The following PIP5K1B variants were observed in gnomAD, a reference collection of about 807,000 sequenced individuals.
The protein encoded by PIP5K1B is phosphatidylinositol 4-phosphate 5-kinase type-1 beta.
In PIP5K1B, 42 loss-of-function variants were observed where a neutral mutation model predicts 67.0. The observed-to-expected ratio is 0.63, with a 90% CI of 0.49 to 0.81. The LOEUF is 0.81. Ranked by LOEUF, PIP5K1B falls within the 30% of genes least tolerant of loss-of-function variation. The probability of loss-of-function intolerance (pLI) is 0.00; values close to 1 mark genes in which losing one functional copy is unlikely to be tolerated. For missense variants in PIP5K1B, 459 were observed against 646.3 expected, an observed-to-expected ratio of 0.71 and a Z score of 3.14; for synonymous variants, 214 against 231.4, an observed-to-expected ratio of 0.92 and a Z score of 0.68.
At chr9:68,820,777 G>A (rs2151421) in intron 3 of PIP5K1B, among the ~76,000 whole-genome samples, 104,597 of 152,058 alleles carry the variant, frequency 0.69, 36,220 homozygotes, top group Admixed American at 0.77. Context: ...CACAGAAGTA[G>A]CATAACTGGC....
At chr9:68,789,411 C>G in intron 2 of PIP5K1B, 1 of 452,732 alleles carries the variant, frequency 2.2e-6, no homozygotes, top group East Asian at 5.7e-5. Flanking sequence ...GAAATGTGTC[C>G]ACTACTCAGT....
chr9:68,844,468 C>T (rs377334019), intron 4 of PIP5K1B, among the ~76,000 whole-genome samples: 1 of 152,124 alleles, frequency 6.6e-6, no homozygotes, highest in South Asian at 2.1e-4. Context: ...TGGGACTGGG[C>T]CACTAGAAGA....
At chr9:68,896,360 A>G (rs1022780737) in intron 8 of PIP5K1B, among the ~76,000 whole-genome samples, 5 of 152,148 alleles carry the variant, frequency 3.3e-5, no homozygotes, top group African/African-American at 9.7e-5. Context: ...AAAAAAAAAA[A>G]AAAGCAAATG....
At chr9:68,785,141 G>A (rs2132474382) in intron 2 of PIP5K1B, among the ~76,000 whole-genome samples, 1 of 152,302 alleles carries the variant, frequency 6.6e-6, no homozygotes, top group African/African-American at 2.4e-5. Flanking sequence ...CTAGGTTTGG[G>A]AATTGGTTAA....
chr9:68,924,404 A>G (rs868249112), intron 12 of PIP5K1B, among the ~76,000 whole-genome samples: 43,607 of 110,166 alleles, frequency 0.4, 7,349 homozygotes, highest in Admixed American at 0.51. Context: ...TGCGCCTCAA[A>G]AAAAAAAAAA....
At chr9:68,752,024 TTTTC>T (rs548179622) in intron 2 of PIP5K1B, among the ~76,000 whole-genome samples, 4 of 152,182 alleles carry the variant, frequency 2.6e-5, no homozygotes, top group Non-Finnish European at 5.9e-5. Context: ...ATGGAATAAA[TTTTC>T]TTTAATTTTA....
chr9:68,969,090 C>T (rs1257525534), intron 14 of PIP5K1B, among the ~76,000 whole-genome samples: 4 of 151,970 alleles, frequency 2.6e-5, no homozygotes, highest in Non-Finnish European at 4.4e-5. Context: ...TAAATGAGGC[C>T]GGGCGCGGTG....
chr9:68,987,711 G>T (rs1287720328), intron 14 of PIP5K1B, among the ~76,000 whole-genome samples: 2 of 152,160 alleles, frequency 1.3e-5, no homozygotes, highest in African/African-American at 4.8e-5. Context: ...GGCTGGGGAG[G>T]CCTCACAATC....
At chr9:68,765,047 AGTC>A (rs1206753132) in intron 2 of PIP5K1B, among the ~76,000 whole-genome samples, 1 of 152,172 alleles carries the variant, frequency 6.6e-6, no homozygotes, top group Non-Finnish European at 1.5e-5. Context: ...GGAATGCTAC[AGTC>A]ACTGCTCATT....
intron 8 of PIP5K1B, among the ~76,000 whole-genome samples, chr9:68,899,940 C>G (rs143712136): frequency 6.6e-6 from 1 of 152,170 alleles, no homozygotes; most frequent in Non-Finnish European, 1.5e-5. Flanking sequence ...TCAAGTAGGC[C>G]CTTGTGTCTG....
rs1473133382 is a variant in PIP5K1B, at chr9:68,705,657, G to A, written c.-348G>A. 1 of 107,786 alleles carries A rather than the reference G, an allele frequency of 9.3e-6. No homozygotes were observed. The highest frequency in any genetic ancestry group is 1.0e-4 in the Admixed American group (1 of 9,656). The allele number at this position is 107,786 out of a possible 1,614,324, so 6.7% of individuals were successfully genotyped here. ...CTCCCGCCCCTCCCGCCCCTCGCCTGCACTGCTCTCCCTTCGCTGTGGGGA... is the reference window on the plus strand; with the variant it reads ...CTCCCGCCCCTCCCGCCCCTCGCCTACACTGCTCTCCCTTCGCTGTGGGGA... On this transcript the variant is annotated 5_prime_UTR_variant, in exon 1 of 16. Coordinates refer to ENST00000265382, the MANE Select transcript of PIP5K1B (RefSeq NM_003558.4).
intron 6 of PIP5K1B, among the ~76,000 whole-genome samples, chr9:68,878,637 C>A (rs970335787): frequency 6.6e-6 from 1 of 152,004 alleles, no homozygotes; most frequent in African/African-American, 2.4e-5. Flanking sequence ...TAGGGAAATT[C>A]AAAAAACTGC....
intron 15 of PIP5K1B, among the ~76,000 whole-genome samples, chr9:68,995,990 A>C (rs185005788): frequency 2.3e-4 from 35 of 152,336 alleles, no homozygotes; most frequent in Admixed American, 2.3e-3. Context: ...GTTGTCACCA[A>C]ACGTGGTCAG....
chr9:68,977,330 T>C (rs993388844), intron 14 of PIP5K1B, among the ~76,000 whole-genome samples: 1 of 152,180 alleles, frequency 6.6e-6, no homozygotes, highest in Non-Finnish European at 1.5e-5. Flanking sequence ...GAGACTAGCC[T>C]GGCCAACCTG....
At chr9:68,858,546 G>A (rs1386933074) in intron 4 of PIP5K1B, among the ~76,000 whole-genome samples, 1 of 152,208 alleles carries the variant, frequency 6.6e-6, no homozygotes, top group Admixed American at 6.5e-5. Flanking sequence ...AGGCGTGGGA[G>A]TTGGTGGGAA....
At chr9:68,712,379 G>A (rs899373834) in intron 1 of PIP5K1B, among the ~76,000 whole-genome samples, 1 of 152,162 alleles carries the variant, frequency 6.6e-6, no homozygotes, top group African/African-American at 2.4e-5. Context: ...TGCAGCCTTA[G>A]GTATTCCTTT....
rs557864388 is a variant in PIP5K1B at position 68,787,308 on chromosome 9, TATC to T, written c.-85-31148_-85-31146del. Among the ~76,000 whole-genome samples, 341 of 152,342 alleles carry T rather than the reference TATC, an allele frequency of 2.2e-3. 1 individual carries two copies. The highest frequency in any genetic ancestry group is 7.9e-3 in the African/African-American group (327 of 41,570). ...AGGCAGTGTCTGAAAACTAGTCTGA[TATC>T]ATCACAGTCTTCGAGGGAAAATATG... On this transcript the variant is annotated intron_variant, in intron 2 of 15. Coordinates refer to ENST00000265382, the MANE Select transcript of PIP5K1B (RefSeq NM_003558.4).
chr9:68,738,545 T>C (rs1314190326), intron 1 of PIP5K1B, among the ~76,000 whole-genome samples: 1 of 152,208 alleles, frequency 6.6e-6, no homozygotes, highest in Non-Finnish European at 1.5e-5. Flanking sequence ...ATCACCTTCC[T>C]TGGATCTGCG....
At chr9:68,919,074 T>C (rs932147754) in intron 9 of PIP5K1B, among the ~76,000 whole-genome samples, 4 of 152,232 alleles carry the variant, frequency 2.6e-5, no homozygotes, top group Non-Finnish European at 4.4e-5. Context: ...CTGTATTTTA[T>C]TTTTAAAAGT....
Sources: gnomAD v4.1 joint callset for allele counts (sites outside exome capture counted in the v4.1 genomes callset) on GRCh38, gnomAD v4.1.1 for gene constraint, MANE v1.5 for transcripts, NCBI Gene and HGNC (gene_info 2026-07-23, HGNC 2026-07-21) for gene names.